The following EVI5 variants were observed in gnomAD, a reference collection of about 807,000 sequenced individuals.
EVI5 encodes the protein ecotropic viral integration site 5 protein homolog.
Under a neutral mutation model 112.0 loss-of-function variants are expected in EVI5, and 73 were observed. The ratio of observed to expected loss-of-function variants is 0.65; its 90% CI spans 0.54 to 0.79. The LOEUF is 0.79. Among genes scored for constraint, EVI5 ranks in the 30% least tolerant of loss-of-function variants. The probability of loss-of-function intolerance (pLI) is 0.00; values close to 1 mark genes in which losing one functional copy is unlikely to be tolerated. For missense variants in EVI5, 900 were observed against 968.8 expected (o/e 0.93, Z 0.94); for synonymous variants, 305 against 319.9 (o/e 0.95, Z 0.50).
chr1:92,775,099 T>G (rs1180707093), intron 1 of EVI5, among the ~76,000 whole-genome samples: 2 of 152,322 alleles, frequency 1.3e-5, no homozygotes, highest in Non-Finnish European at 2.9e-5. Flanking sequence ...ATGCACCGCA[T>G]AAGAACATTT....
chr1:92,598,548 T>C (rs1333429485), intron 18 of EVI5, among the ~76,000 whole-genome samples: 1 of 152,118 alleles, frequency 6.6e-6, no homozygotes, highest in Non-Finnish European at 1.5e-5. Flanking sequence ...GTGAGATGAG[T>C]ACATAATAAT....
intron 10 of EVI5, among the ~76,000 whole-genome samples, chr1:92,666,394 C>T (rs1262627485): frequency 6.6e-6 from 1 of 150,578 alleles, no homozygotes; most frequent in East Asian, 2.0e-4. Context: ...CATGCACACA[C>T]ATACACACAC....
chr1:92,742,168 C>T (rs1447600786), intron 1 of EVI5, among the ~76,000 whole-genome samples: 3 of 151,880 alleles, frequency 2.0e-5, no homozygotes, highest in Non-Finnish European at 4.4e-5. Flanking sequence ...ACAGACATTT[C>T]CCCAAAGAAG....
intron 19 of EVI5, among the ~76,000 whole-genome samples, chr1:92,549,631 A>G (rs1401313865): frequency 6.6e-6 from 1 of 152,102 alleles, no homozygotes. Flanking sequence ...GAATCTACAA[A>G]GAACTCAAAC....
At chr1:92,707,405 G>T (rs1672193531) in intron 2 of EVI5, among the ~76,000 whole-genome samples, 1 of 151,512 alleles carries the variant, frequency 6.6e-6, no homozygotes, top group Non-Finnish European at 1.5e-5. Context: ...TCTAAACACA[G>T]GTATCTGACA....
At chr1:92,773,557 G>A (rs777639049) in intron 1 of EVI5, among the ~76,000 whole-genome samples, 66 of 151,984 alleles carry the variant, frequency 4.3e-4, no homozygotes, top group Non-Finnish European at 7.9e-4. Context: ...CAGGAAGATC[G>A]CTTGAGCCCA....
intron 1 of EVI5, among the ~76,000 whole-genome samples, chr1:92,772,751 C>T (rs1414858103): frequency 6.6e-6 from 1 of 151,664 alleles, no homozygotes; most frequent in African/African-American, 2.4e-5. Context: ...ACTAAAAATA[C>T]AAACATTAGC....
At chr1:92,667,738 C>A (rs1453910962) in intron 10 of EVI5, among the ~76,000 whole-genome samples, 3 of 152,170 alleles carry the variant, frequency 2.0e-5, no homozygotes, top group Admixed American at 6.5e-5. Context: ...GACTCAGCCT[C>A]CTGAGTAGCT....
Position 92,568,299 on chromosome 1 carries a change from CTG to C in EVI5, c.2071-4564_2071-4563del, listed in dbSNP as rs1238283524. Among the ~76,000 whole-genome samples, 19 of 148,614 alleles carry C rather than the reference CTG, an allele frequency of 1.3e-4. No homozygotes were observed. The Admixed American group carries it at 1.3e-3, about 10-fold the overall frequency. ...GGTAAGGCGGGCGGATTGCTTGAGT[CTG>C]TGAGGTTGAAGCTGCAGTGAGTTGT... On this transcript the variant is annotated intron_variant, in intron 18 of 19. Coordinates refer to ENST00000684568, the MANE Select transcript of EVI5 (RefSeq NM_001350197.2).
At chr1:92,550,781 A>AAAAAATATATATATAT (rs1557766166) in intron 19 of EVI5, among the ~76,000 whole-genome samples, 1 of 20,324 alleles carries the variant, frequency 4.9e-5, no homozygotes, top group Admixed American at 1.2e-3. Context: ...AAAAAAAAAA[A>AAAAAATATATATATAT]ATATATATAT....
chr1:92,764,074 T>C (rs559568226), intron 1 of EVI5, among the ~76,000 whole-genome samples: 2 of 152,342 alleles, frequency 1.3e-5, no homozygotes, highest in Admixed American at 6.5e-5. Flanking sequence ...AATTTTTTTA[T>C]ATTTAATGCT....
intron 19 of EVI5, among the ~76,000 whole-genome samples, chr1:92,516,222 ATG>A (rs1659847129): frequency 6.6e-6 from 1 of 152,278 alleles, no homozygotes; most frequent in Middle Eastern, 3.4e-3. Context: ...CATATGGAAC[ATG>A]TGTCTTCCTT....
chr1:92,714,087 C>T (rs1260147431), intron 2 of EVI5: 17 of 980,692 alleles, frequency 1.7e-5, no homozygotes, highest in Non-Finnish European at 1.9e-5. Context: ...AAAAACTATC[C>T]GATTTCAACT....
intron 16 of EVI5, among the ~76,000 whole-genome samples, chr1:92,621,960 A>G (rs1654685891): frequency 6.6e-6 from 1 of 151,882 alleles, no homozygotes; most frequent in Non-Finnish European, 1.5e-5. Flanking sequence ...GTCTCTACCA[A>G]AAATACAAAA....
chr1:92,707,033 GC>G (rs1261101337), intron 2 of EVI5, among the ~76,000 whole-genome samples: 2 of 152,034 alleles, frequency 1.3e-5, no homozygotes, highest in East Asian at 3.9e-4. Context: ...TATAAAATTA[GC>G]CGGGCATGGT....
rs1271393778 is a variant in EVI5, at chr1:92,662,814, C to G, written c.1297G>C (p.Glu433Gln). 7.8e-7 allele frequency: 1 copy of G among 1,289,398 alleles called. No individual in the cohort carries two copies. The highest frequency in any genetic ancestry group is 1.5e-5 in the African/African-American group (1 of 65,932). 79.9% of individuals were successfully genotyped at this position (1,289,398 alleles called of 1,614,324 possible). ...CTCTGCTGTTTGATGGTGGCCAACT[C>G]CCGTTTTATGAGGTAGTTTTCCTCA... ...EAEENYLIKR[E>Q]LATIKQQSDE... Residue 433 changes from glutamate to glutamine, a missense_variant, in exon 13 of 20, where the codon GAG becomes CAG. Transcript: ENST00000684568.
intron 18 of EVI5, among the ~76,000 whole-genome samples, chr1:92,587,732 A>G (rs1673044660): frequency 6.6e-6 from 1 of 152,186 alleles, no homozygotes; most frequent in Non-Finnish European, 1.5e-5. Flanking sequence ...AAAATGGGTA[A>G]ATGTTACTGG....
intron 1 of EVI5, among the ~76,000 whole-genome samples, chr1:92,778,255 C>T (rs1684409441): frequency 1.3e-5 from 2 of 152,018 alleles, no homozygotes; most frequent in Admixed American, 6.6e-5. Flanking sequence ...AAGAACAAAC[C>T]GGTTTATGCC....
intron 1 of EVI5, among the ~76,000 whole-genome samples, chr1:92,744,835 G>A (rs192362310): frequency 2.0e-5 from 3 of 152,068 alleles, no homozygotes; most frequent in African/African-American, 4.8e-5. Context: ...GCTGAAGTCC[G>A]TAAGTAAAAT....
Sources: allele counts gnomAD v4.1 joint callset (sites outside exome capture counted in the v4.1 genomes callset), GRCh38; gene constraint gnomAD v4.1.1; transcripts MANE v1.5; gene names NCBI Gene and HGNC (gene_info 2026-07-23, HGNC 2026-07-21).